Variants in DIP2B observed in about 807,000 individuals in gnomAD.
DIP2B encodes DIP2 acetate--CoA ligase B (putative).
In DIP2B, 76 loss-of-function variants were observed where a neutral mutation model predicts 198.0. The observed-to-expected ratio is 0.38, with a 90% CI of 0.32 to 0.46. DIP2B has a LOEUF of 0.46. Ranked by LOEUF, DIP2B falls within the 20% of genes least tolerant of loss-of-function variation. The pLI is 0.99. For missense variants in DIP2B, 1,559 were observed against 1,978.4 expected, an observed-to-expected ratio of 0.79 and a Z score of 4.02; for synonymous variants, 701 against 739.1, an observed-to-expected ratio of 0.95 and a Z score of 0.84.
At chr12:50,516,632 G>C (rs551842266) in intron 1 of DIP2B, among the ~76,000 whole-genome samples, 39 of 152,068 alleles carry the variant, frequency 2.6e-4, no homozygotes, top group Admixed American at 1.3e-3. Flanking sequence ...TCAGACCATA[G>C]TAACTTACCA....
chr12:50,593,691 TTCTCCTCTCCTCTCCCCTCC>T lies in DIP2B; in HGVS notation c.101-32269_101-32250del, dbSNP rs1250150311. On this transcript the variant is annotated intron_variant, in intron 1 of 37. Coordinates refer to ENST00000301180, the MANE Select transcript of DIP2B (RefSeq NM_173602.3). ...TAGTTCCTACTAGGAATACACTCTTTTCTCCTCTCCTCTCCCCTCCTCTCCTCTCCTCTCCTCTCCTCTCC... is the reference window on the plus strand; with the variant it reads ...TAGTTCCTACTAGGAATACACTCTTTTCTCCTCTCCTCTCCTCTCCTCTCC... 3.9e-3 allele frequency among the ~76,000 whole-genome samples: 346 copies of T among 88,830 alleles called. 9 individuals are homozygous for T. The highest frequency in any genetic ancestry group is 5.5e-3 in the East Asian group (12 of 2,188). The allele number at this position is 88,830 out of a possible 152,430, so 58.3% of individuals were successfully genotyped here.
chr12:50,657,579 A>C (rs1160726055), intron 3 of DIP2B, among the ~76,000 whole-genome samples: 2 of 151,616 alleles, frequency 1.3e-5, no homozygotes, highest in Admixed American at 6.6e-5. Flanking sequence ...ATTCCTTGAG[A>C]CCAGTAGTTG....
intron 1 of DIP2B, among the ~76,000 whole-genome samples, chr12:50,562,924 C>A (rs932749701): frequency 2.0e-5 from 3 of 152,094 alleles, no homozygotes; most frequent in East Asian, 3.8e-4. Flanking sequence ...TTAACTCTTA[C>A]GTACCACTAA....
chr12:50,536,574 G>T (rs983163460), intron 1 of DIP2B, among the ~76,000 whole-genome samples: 49 of 147,992 alleles, frequency 3.3e-4, no homozygotes, highest in Non-Finnish European at 5.2e-4. Context: ...ATTGTGTTTT[G>T]TTTTTTTTTT....
chr12:50,691,270 C>A, intron 13 of DIP2B, 119 bp downstream of exon 13: 1 of 907,212 alleles, frequency 1.1e-6, no homozygotes, highest in Non-Finnish European at 1.6e-6. Context: ...TGTCCCAAGA[C>A]ACATTCTTGG....
intron 5 of DIP2B, among the ~76,000 whole-genome samples, chr12:50,672,999 A>G (rs1938881095): frequency 6.6e-6 from 1 of 152,114 alleles, no homozygotes; most frequent in African/African-American, 2.4e-5. Context: ...ATAGTGTCCA[A>G]TTTTTTGCTA....
intron 2 of DIP2B, among the ~76,000 whole-genome samples, chr12:50,626,944 T>G (rs535767143): frequency 6.6e-6 from 1 of 152,332 alleles, no homozygotes; most frequent in Admixed American, 6.5e-5. Flanking sequence ...TTGATGTGCT[T>G]GTTTTATTTC....
At chr12:50,712,876 C>T (rs1939644495) in intron 22 of DIP2B, among the ~76,000 whole-genome samples, 1 of 152,004 alleles carries the variant, frequency 6.6e-6, no homozygotes, top group African/African-American at 2.4e-5. Flanking sequence ...CCATCGGACT[C>T]CAGCTTGGGT....
chr12:50,539,220 C>T (rs1285171577), intron 1 of DIP2B, among the ~76,000 whole-genome samples: 1 of 140,660 alleles, frequency 7.1e-6, no homozygotes, highest in African/African-American at 2.6e-5. Context: ...CTAGGTAGCT[C>T]GCTCTTTTCT....
chr12:50,732,176 C>A (rs1044892708), intron 31 of DIP2B, among the ~76,000 whole-genome samples, 190 bp from the exon 32 acceptor site: 1 of 152,156 alleles, frequency 6.6e-6, no homozygotes, highest in African/African-American at 2.4e-5. Context: ...AATTTACCAG[C>A]AGATAGTGAT....
At chr12:50,575,592 C>A (rs1027947005) in intron 1 of DIP2B, among the ~76,000 whole-genome samples, 2 of 152,120 alleles carry the variant, frequency 1.3e-5, no homozygotes, top group Non-Finnish European at 2.9e-5. Context: ...TTGCTGTTTT[C>A]GCCCAGGCTA....
intron 1 of DIP2B, among the ~76,000 whole-genome samples, chr12:50,521,265 C>T (rs182537745): frequency 2.6e-5 from 4 of 151,384 alleles, no homozygotes; most frequent in African/African-American, 9.7e-5. Context: ...CACCCCCACA[C>T]CCTGCTAATT....
chr12:50,558,406 A>G (rs1958489525), intron 1 of DIP2B, among the ~76,000 whole-genome samples: 1 of 152,220 alleles, frequency 6.6e-6, no homozygotes, highest in Non-Finnish European at 1.5e-5. Flanking sequence ...AGGGGTAATA[A>G]TTGAGAATCA....
chr12:50,602,225 G>A (rs554874819), intron 1 of DIP2B, among the ~76,000 whole-genome samples: 1 of 152,154 alleles, frequency 6.6e-6, no homozygotes, highest in Admixed American at 6.5e-5. Flanking sequence ...AGATACTTAT[G>A]TATAAGTTAA....
Position 50,671,182 on chromosome 12 carries a change from A to T in DIP2B, c.428-4A>T. 6.2e-7 allele frequency: 1 copy of T among 1,613,876 alleles called. No individual in the cohort carries two copies. Among genetic ancestry groups the T allele is most frequent in the East Asian group, 2.2e-5 (1 of 44,878 alleles). ...AGAACTTCTTTTTTTCTAATTCCACACAGACACATCTTCGGCCTCTGAGGA... is the reference window on the plus strand; with the variant it reads ...AGAACTTCTTTTTTTCTAATTCCACTCAGACACATCTTCGGCCTCTGAGGA... On this transcript the variant is annotated splice_polypyrimidine_tract_variant and splice_region_variant and intron_variant, in intron 4 of 37. Coordinates refer to ENST00000301180, the MANE Select transcript of DIP2B (RefSeq NM_173602.3).
intron 1 of DIP2B, among the ~76,000 whole-genome samples, chr12:50,511,859 A>C (rs1018469918): frequency 4.7e-5 from 7 of 147,778 alleles, no homozygotes; most frequent in African/African-American, 1.5e-4. Flanking sequence ...GAGGCAGGAG[A>C]ATTGCTTGAA....
rs1957951971 is a variant in DIP2B at position 50,505,003 on chromosome 12, G to GCGGCGA, written c.-133_-132insACGGCG. ...CGCGCTCACGTGACCTTTGCTCATG[G>GCGGCGA]CGGCGGCGGCGGCGGCGGCGGTGCT... is the stretch of plus-strand genomic sequence containing the variant. On this transcript the variant is annotated 5_prime_UTR_variant, in exon 1 of 38. Coordinates refer to ENST00000301180, the MANE Select transcript of DIP2B (RefSeq NM_173602.3). 5 of 659,236 alleles carry GCGGCGA rather than the reference G, an allele frequency of 7.6e-6. 1 individual carries two copies. The highest frequency in any genetic ancestry group is 1.2e-5 in the Non-Finnish European group (5 of 421,352). 40.8% of individuals were successfully genotyped at this position (659,236 alleles called of 1,614,324 possible). A position where few individuals can be genotyped will look rare whatever the true frequency, so the allele number is the denominator to read the frequency against.
intron 1 of DIP2B, among the ~76,000 whole-genome samples, chr12:50,518,451 C>T (rs538159602): frequency 2.6e-5 from 4 of 152,194 alleles, no homozygotes; most frequent in African/African-American, 7.2e-5. Context: ...CTCAAGTGAT[C>T]GCCCACCCCG....
chr12:50,693,041 G>C (rs771413774), intron 14 of DIP2B, 28 bp downstream of exon 14: 10 of 1,594,292 alleles, frequency 6.3e-6, no homozygotes, highest in Non-Finnish European at 8.5e-6. Flanking sequence ...AAGGCCCTTA[G>C]TGTAAATTGT....
Sources: allele counts gnomAD v4.1 joint callset (sites outside exome capture counted in the v4.1 genomes callset), GRCh38; gene constraint gnomAD v4.1.1; transcripts MANE v1.5; gene names NCBI Gene and HGNC (gene_info 2026-07-23, HGNC 2026-07-21).